ZNF676: variants seen among roughly 807,000 people sequenced by gnomAD.
ZNF676 encodes the protein zinc finger protein 676.
A neutral mutation model predicts 6.0 loss-of-function variants in ZNF676; 4 were observed. The ratio of observed to expected loss-of-function variants is 0.67; its 90% CI spans 0.33 to 1.53. ZNF676 has a LOEUF of 1.53. ZNF676 is among the 40% of genes most tolerant of loss of function. The pLI is 0.06. For synonymous variants in ZNF676, 198 were observed against 223.1 expected, an observed-to-expected ratio of 0.89 and a Z score of 1.00; for missense variants, 644 against 679.7, an observed-to-expected ratio of 0.95 and a Z score of 0.58.
chr19:22,237,199 G>A, the ZNF676 span, among the ~76,000 whole-genome samples: 3 of 152,086 alleles, frequency 2.0e-5, no homozygotes, highest in Non-Finnish European at 4.4e-5. Context: ...TTAAGCCAAG[G>A]GGCATCAGGC....
chr19:22,226,597 G>GC, the ZNF676 span, among the ~76,000 whole-genome samples: 5 of 13,408 alleles, frequency 3.7e-4, no homozygotes, highest in Non-Finnish European at 6.2e-4. Flanking sequence ...AAGGGATCTT[G>GC]CTTTTTTTTT....
the ZNF676 span, among the ~76,000 whole-genome samples, chr19:22,234,214 C>T: frequency 3.3e-5 from 5 of 152,180 alleles, no homozygotes; most frequent in East Asian, 1.9e-4. Context: ...TCAGGTGGTG[C>T]CTTCATATTA....
At chr19:22,228,442 C>T in the ZNF676 span, among the ~76,000 whole-genome samples, 1 of 152,152 alleles carries the variant, frequency 6.6e-6, no homozygotes, top group African/African-American at 2.4e-5. Context: ...TGAAAACTGG[C>T]ACAAGACAAG....
At chr19:22,206,138 T>TA (rs1358387783) in intron 1 of ZNF676, among the ~76,000 whole-genome samples, 2 of 151,364 alleles carry the variant, frequency 1.3e-5, no homozygotes, top group East Asian at 3.9e-4. Context: ...ACTGAATTAG[T>TA]AATAAGTAGC....
the ZNF676 span, among the ~76,000 whole-genome samples, chr19:22,249,762 GTTTT>G: frequency 6.7e-6 from 1 of 148,776 alleles, no homozygotes; most frequent in Non-Finnish European, 1.5e-5. Flanking sequence ...AGTACAACGG[GTTTT>G]TTTTTTTTTA....
intron 1 of ZNF676, among the ~76,000 whole-genome samples, chr19:22,194,821 G>A (rs1465586592): frequency 2.0e-5 from 3 of 152,104 alleles, no homozygotes; most frequent in Non-Finnish European, 2.9e-5. Flanking sequence ...TTGGTCCCAG[G>A]AGAAACATTG....
In ZNF676 at chr19:22,210,085, C is replaced by G. The variant is rs576568181; in HGVS notation, c.3+5547G>C. 2.9e-4 allele frequency among the ~76,000 whole-genome samples: 44 copies of G among 152,228 alleles called. No homozygotes were observed. The South Asian group carries it at 8.7e-3, about 30-fold the overall frequency. On this transcript the variant is annotated intron_variant, in intron 1 of 3. Coordinates refer to the ZNF676 transcript ENST00000650058. ...GTCTTCTGTCACCCTGGGAGGAGAC[C>G]TGGAATCAAAGAACAAGGGGCAGTG...
chr19:22,185,242 C>A (rs1393866358), intron 2 of ZNF676, among the ~76,000 whole-genome samples: 4 of 152,078 alleles, frequency 2.6e-5, no homozygotes, highest in Admixed American at 1.3e-4. Context: ...GAGTGGACCT[C>A]CAGCAAGGTC....
chr19:22,187,401 GC>G (rs2023852838), intron 2 of ZNF676, among the ~76,000 whole-genome samples: 1 of 152,086 alleles, frequency 6.6e-6, no homozygotes, highest in Admixed American at 6.6e-5. Flanking sequence ...AGCACTAAAT[GC>G]CCACAAGAGA....
chr19:22,206,962 C>T (rs1475459189), intron 1 of ZNF676, among the ~76,000 whole-genome samples: 1 of 152,144 alleles, frequency 6.6e-6, no homozygotes, highest in African/African-American at 2.4e-5. Context: ...AGTAAGTTAT[C>T]TATGACAAAT....
upstream of ZNF676, among the ~76,000 whole-genome samples, chr19:22,198,120 G>C (rs1380201706): frequency 2.0e-5 from 3 of 152,010 alleles, no homozygotes; most frequent in African/African-American, 7.2e-5. Flanking sequence ...GTACTGCATA[G>C]ACATAATAAA....
At chr19:22,239,666 T>C in the ZNF676 span, among the ~76,000 whole-genome samples, 1 of 152,192 alleles carries the variant, frequency 6.6e-6, no homozygotes, top group Non-Finnish European at 1.5e-5. Context: ...ATAAGTGTCA[T>C]AATCTTCTGT....
chr19:22,236,936 G>A, the ZNF676 span, among the ~76,000 whole-genome samples: 5 of 152,174 alleles, frequency 3.3e-5, no homozygotes, highest in Non-Finnish European at 5.9e-5. Flanking sequence ...CTGCCATCAT[G>A]GGATCCAATT....
At chr19:22,224,304 T>C in the ZNF676 span, among the ~76,000 whole-genome samples, 2 of 151,978 alleles carry the variant, frequency 1.3e-5, no homozygotes, top group African/African-American at 2.4e-5. Flanking sequence ...ATTATAATTC[T>C]AGACAATTTG....
At chr19:22,190,669 A>ATATATGTTG (rs2023896694) in intron 2 of ZNF676, among the ~76,000 whole-genome samples, 1 of 75,766 alleles carries the variant, frequency 1.3e-5, no homozygotes, top group African/African-American at 6.5e-5. Flanking sequence ...ATATATACAT[A>ATATATGTTG]CACACTTTAA....
At chr19:22,216,852 C>T (rs2024197214), upstream of ZNF676, among the ~76,000 whole-genome samples, 2 of 150,746 alleles carry the variant, frequency 1.3e-5, no homozygotes, top group Non-Finnish European at 3.0e-5. Context: ...GGAGGATTGC[C>T]TGAGCCCAGG....
chr19:22,196,629 A>G lies in ZNF676; in HGVS notation c.5T>C (p.Leu2Ser). 2 of 1,613,790 alleles carry G rather than the reference A, an allele frequency of 1.2e-6. No individual in the cohort carries two copies. The highest frequency in any genetic ancestry group is 2.2e-5 in the South Asian group (2 of 91,072). The change falls in exon 1 of 3, where the codon TTA becomes TCA. Residue 2 changes from leucine to serine, a missense_variant. Around this residue, in one of 5 missense-constraint regions of ZNF676, gnomAD observed 280 missense variants for 269.3 expected, o/e 1.04. Coordinates refer to ENST00000397121, the MANE Select transcript of ZNF676 (RefSeq NM_001001411.3). ...GAAGACCAGGTTTCTGTAGTTCTCT[A>G]ACATCACATTCCTATATAAATTCTG... M[L>S]ENYRNLVFLG...
the ZNF676 span, among the ~76,000 whole-genome samples, chr19:22,228,767 A>G: frequency 2.0e-5 from 3 of 152,186 alleles, no homozygotes; most frequent in East Asian, 5.8e-4. Flanking sequence ...TGCTACAAAG[A>G]GAATAAAATA....
At chr19:22,222,573 G>A in the ZNF676 span, among the ~76,000 whole-genome samples, 1 of 152,122 alleles carries the variant, frequency 6.6e-6, no homozygotes, top group South Asian at 2.1e-4. Context: ...TGACAATGGG[G>A]ACAATATAGT....
Sources: gnomAD v4.1 joint callset for allele counts (sites outside exome capture counted in the v4.1 genomes callset) on GRCh38, gnomAD v4.1.1 for gene constraint, gnomAD v4.1.1 regional missense constraint, MANE v1.5 for transcripts, NCBI Gene and HGNC (gene_info 2026-07-23, HGNC 2026-07-21) for gene names.